The following PSG2 variants were observed in gnomAD, a reference collection of about 807,000 sequenced individuals.
The protein encoded by PSG2 is pregnancy specific beta-1-glycoprotein 2.
In PSG2, 49 loss-of-function variants were observed where a neutral mutation model predicts 36.2. The observed-to-expected ratio is 1.35, with a 90% CI of 1.08 to 1.72. PSG2 has a LOEUF of 1.72. PSG2 is among the 40% of genes most tolerant of loss of function. PSG2 has a pLI of 0.00. For missense variants in PSG2, 605 were observed against 407.2 expected (o/e 1.49, Z -4.18); for synonymous variants, 261 against 155.6 (o/e 1.68, Z -5.04).
intron 3 of PSG2, among the ~76,000 whole-genome samples, chr19:43,073,435 G>A (rs148924756): frequency 1.3e-5 from 2 of 151,648 alleles, no homozygotes; most frequent in South Asian, 2.1e-4. Context: ...AAATACATGC[G>A]GACATTTGCA....
In PSG2 at chr19:43,064,390, T is replaced by A; in HGVS notation, c.*252A>T. On this transcript the variant is annotated 3_prime_UTR_variant, in exon 6 of 6. Coordinates refer to ENST00000406487, the MANE Select transcript of PSG2 (RefSeq NM_031246.4). ...TCTGGAGAATGAAACATTCCAAGAA[T>A]CAGCACATTTTCAAATAGAAAATTA... The A allele has an allele frequency of 3.2e-6, 1 of 315,226 alleles. No individual in the cohort carries two copies. The highest frequency in any genetic ancestry group is 6.2e-6 in the Non-Finnish European group (1 of 160,962). The allele number at this position is 315,226 out of a possible 1,614,324, so 19.5% of individuals were successfully genotyped here. A position where few individuals can be genotyped will look rare whatever the true frequency, so the allele number is the denominator to read the frequency against.
intron 5 of PSG2, chr19:43,065,606 T>C (rs1967729054): frequency 6.6e-6 from 1 of 151,738 alleles, no homozygotes; most frequent in South Asian, 2.1e-4. Context: ...TGATTTCTTG[T>C]GGCATTCAAT....
At position 43,069,791 on chromosome 19, in the gene PSG2, C is replaced by T. The variant is rs917096570; in HGVS notation, c.964+1909G>A. Among the ~76,000 whole-genome samples, 14 of 151,688 alleles carry T rather than the reference C, an allele frequency of 9.2e-5. 1 individual carries two copies. The highest frequency in any genetic ancestry group is 3.9e-4 in the Admixed American group (6 of 15,234). The stretch of plus-strand genomic sequence containing the variant: ...TGATGCTGGATTTCACAATGATTTC[C>T]TGGTTGTAACAACAAAAGCATAGGC... On this transcript the variant is annotated intron_variant, in intron 4 of 5. Transcript: ENST00000406487.
rs1486395593 is a variant in PSG2, at chr19:43,071,914, A to G, written c.750T>C (p.Asn250=). The G allele has an allele frequency of 6.2e-7, 1 of 1,612,478 alleles. No homozygotes were observed. The highest frequency in any genetic ancestry group is 1.3e-5 in the African/African-American group (1 of 74,378). The part of the protein sequence containing the change: ...DLPRIHPSYT[N]YRSGDNLYLS... The stretch of plus-strand genomic sequence containing the variant: ...AGTAGAGGTTATCTCCTGAACGGTA[A>G]TTGGTGTATGAAGGGTGAATTCTGG... Residue 250 remains asparagine, a synonymous_variant, in exon 4 of 6, where the codon AAT becomes AAC. Transcript: ENST00000406487.
At chr19:43,067,356 C>T (rs536641631) in intron 4 of PSG2, among the ~76,000 whole-genome samples, 2 of 151,138 alleles carry the variant, frequency 1.3e-5, no homozygotes, top group Non-Finnish European at 2.9e-5. Context: ...TACTAACATA[C>T]CAGGCTTGAT....
At chr19:43,072,083 G>T in intron 3 of PSG2, 129 bp from the exon 4 acceptor site, 1 of 1,426,904 alleles carries the variant, frequency 7.0e-7, no homozygotes, top group East Asian at 2.3e-5. Context: ...CCCCCTCTAT[G>T]TTCACTGAGC....
At chr19:43,068,455 C>CA (rs558588522) in intron 4 of PSG2, among the ~76,000 whole-genome samples, 1,003 of 81,718 alleles carry the variant, frequency 0.012, 13 homozygotes, top group East Asian at 0.085. Flanking sequence ...CTCTTTTCAA[C>CA]AAAAAAAAAA....
At chr19:43,068,455 C>CAAA (rs558588522) in intron 4 of PSG2, among the ~76,000 whole-genome samples, 1 of 81,766 alleles carries the variant, frequency 1.2e-5, no homozygotes, top group Non-Finnish European at 2.9e-5. Context: ...CTCTTTTCAA[C>CAAA]AAAAAAAAAA....
rs1263301392 is a variant in PSG2, at chr19:43,081,217, T to A, written c.94A>T (p.Thr32Ser). The change falls in exon 2 of 6, where the codon ACC becomes TCC. Residue 32 changes from threonine to serine, a missense_variant. Thr to Ser is a moderately conservative substitution (Grantham distance 58). Coordinates refer to ENST00000406487, the MANE Select transcript of PSG2 (RefSeq NM_031246.4). ...ASLLNFWNLP[T>S]TAQVTIEAQP... The stretch of plus-strand genomic sequence containing the variant: ...GCTTCAATCGTGACTTGGGCAGTGG[T>A]GGGCAGGTTCCAGAAGTTTAAAAGT... 21 of 1,612,260 alleles carry A rather than the reference T, an allele frequency of 1.3e-5. No individual in the cohort carries two copies. The highest frequency in any genetic ancestry group is 1.8e-5 in the Non-Finnish European group (21 of 1,179,560).
rs545233549 is a variant in PSG2, at chr19:43,073,660, G to T, written c.709+1694C>A. Among the ~76,000 whole-genome samples, 812 of 151,760 alleles carry T rather than the reference G, an allele frequency of 5.4e-3. 24 individuals are homozygous for T. The highest frequency in any genetic ancestry group is 0.018 in the African/African-American group (740 of 41,132). On this transcript the variant is annotated intron_variant, in intron 3 of 5. Transcript: ENST00000406487. Reference sequence around the variant, plus strand: ...GAGTGAATATGAGAAGAGACTGCTGGTTGCCAGGAGCTGGGAGTGGGGAGA... The same window carrying T: ...GAGTGAATATGAGAAGAGACTGCTGTTTGCCAGGAGCTGGGAGTGGGGAGA...
At chr19:43,076,369 C>T (rs549033142) in intron 2 of PSG2, among the ~76,000 whole-genome samples, 4 of 151,840 alleles carry the variant, frequency 2.6e-5, no homozygotes, top group South Asian at 2.1e-4. Flanking sequence ...TCTGGGTCCA[C>T]AATGCTCCCT....
chr19:43,078,842 T>C (rs1023769201), intron 2 of PSG2, among the ~76,000 whole-genome samples: 4 of 150,922 alleles, frequency 2.7e-5, no homozygotes, highest in Non-Finnish European at 5.9e-5. Flanking sequence ...ATGATAAGAG[T>C]GGTTGGAGGG....
At chr19:43,074,915 A>G (rs1377033812) in intron 3 of PSG2, among the ~76,000 whole-genome samples, 1 of 132,804 alleles carries the variant, frequency 7.5e-6, no homozygotes, top group Admixed American at 7.1e-5. Context: ...TTGTATGGTA[A>G]TAGGTGTGAG....
Position 43,066,273 on chromosome 19 carries a change from T to C in PSG2, c.*40+244A>G, listed in dbSNP as rs143938104. Among the ~76,000 whole-genome samples, 59 of 151,788 alleles carry C rather than the reference T, an allele frequency of 3.9e-4. No homozygotes were observed. In the East Asian group the frequency reaches 0.011, roughly 28 times the overall value. ...AGGGTTTCACCATGTGAAATTGTGT[T>C]TCTCATTTGAATCTGAGAAACAAAT... On this transcript the variant is annotated intron_variant, in intron 5 of 5. Coordinates refer to ENST00000406487, the MANE Select transcript of PSG2 (RefSeq NM_031246.4).
In PSG2 at chr19:43,071,092, A is replaced by T. The variant is rs866556476; in HGVS notation, c.964+608T>A. 3.3e-5 allele frequency among the ~76,000 whole-genome samples: 5 copies of T among 151,244 alleles called. No homozygotes were observed. The South Asian group carries it at 8.3e-4, about 25-fold the overall frequency. Reference sequence around the variant, plus strand: ...ATTTCCCTGCAGCCTGGCCCGGGGGAGGCTTGGCTTCAACTGGCAGCTCCA... The same window carrying T: ...ATTTCCCTGCAGCCTGGCCCGGGGGTGGCTTGGCTTCAACTGGCAGCTCCA... On this transcript the variant is annotated intron_variant, in intron 4 of 5. Coordinates refer to ENST00000406487, the MANE Select transcript of PSG2 (RefSeq NM_031246.4).
chr19:43,075,177 A>G (rs1967875004), intron 3 of PSG2, among the ~76,000 whole-genome samples, 177 bp downstream of exon 3: 1 of 151,634 alleles, frequency 6.6e-6, no homozygotes, highest in African/African-American at 2.4e-5. Flanking sequence ...CTTTTCTCCT[A>G]TTGTGGATCA....
intron 4 of PSG2, among the ~76,000 whole-genome samples, chr19:43,069,354 C>G (rs1249715440): frequency 3.3e-5 from 5 of 151,470 alleles, no homozygotes; most frequent in Non-Finnish European, 5.9e-5. Context: ...TGCAGAAAAA[C>G]AAAAATCTGT....
chr19:43,065,054 C>A (rs1267787280), intron 5 of PSG2, among the ~76,000 whole-genome samples: 2 of 151,540 alleles, frequency 1.3e-5, no homozygotes, highest in African/African-American at 4.9e-5. Flanking sequence ...CCAGGATGGT[C>A]TCGATCTCCT....
rs1058100 is a variant in PSG2 at position 43,071,860 on chromosome 19, C to A, written c.804G>T (p.Pro268=). ...YLSCFANSNP[P]AQYSWTINGK... is the part of the protein sequence containing the mutation. Reference sequence around the variant, plus strand: ...CATTAATTGTCCAAGAATACTGTGCCGGTGGGTTAGAGTTCGCGAAGCAAG... The same window carrying A: ...CATTAATTGTCCAAGAATACTGTGCAGGTGGGTTAGAGTTCGCGAAGCAAG... Residue 268 remains proline, a synonymous_variant, in exon 4 of 6, where the codon CCG becomes CCT. Coordinates refer to ENST00000406487, the MANE Select transcript of PSG2 (RefSeq NM_031246.4). The A allele has an allele frequency of 1.2e-6, 2 of 1,612,956 alleles. No homozygotes were observed. Among genetic ancestry groups the A allele is most frequent in the South Asian group, 1.1e-5 (1 of 91,036 alleles).
Sources: allele counts gnomAD v4.1 joint callset (sites outside exome capture counted in the v4.1 genomes callset), GRCh38; gene constraint gnomAD v4.1.1; transcripts MANE v1.5; gene names NCBI Gene and HGNC (gene_info 2026-07-23, HGNC 2026-07-21).